The following SCN9A variants were observed in gnomAD, a reference collection of about 807,000 sequenced individuals.
SCN9A encodes the protein sodium channel protein type 9 subunit alpha.
In SCN9A, 131 loss-of-function variants were observed where a neutral mutation model predicts 187.0. The ratio of observed to expected loss-of-function variants is 0.70; its 90% confidence interval spans 0.61 to 0.81. The LOEUF is 0.81. Among genes scored for constraint, SCN9A ranks in the 30% least tolerant of loss-of-function variants. SCN9A has a pLI of 0.00. For missense variants in SCN9A, 2,252 were observed against 2,396.6 expected, an observed-to-expected ratio of 0.94 and a Z score of 1.26; for synonymous variants, 809 against 808.6, an observed-to-expected ratio of 1.00 and a Z score of -0.01.
intron 18 of SCN9A, among the ~76,000 whole-genome samples, chr2:166,243,070 C>T (rs781526135): frequency 1.3e-5 from 2 of 151,992 alleles, no homozygotes; most frequent in Non-Finnish European, 2.9e-5. Context: ...ATGGTAAAAA[C>T]CCTCTGAAAT....
At position 166,197,212 on chromosome 2, in the gene SCN9A, T is replaced by A. The variant is rs1693270872; in HGVS notation, c.*1460A>T. ...CATGAATAACTTTATAGAAGAAAGA[T>A]CTCATATTCCTGAAATAAACTCACG... On this transcript the variant is annotated 3_prime_UTR_variant, in exon 27 of 27. Transcript: ENST00000642356. The A allele has an allele frequency of 6.6e-6, 1 of 152,050 alleles. No individual in the cohort carries two copies. The highest frequency in any genetic ancestry group is 1.5e-5 in the Non-Finnish European group (1 of 67,972). The allele number at this position is 152,050 out of a possible 1,614,324, so 9.4% of individuals were successfully genotyped here. A position where few individuals can be genotyped will look rare whatever the true frequency, so the allele number is the denominator to read the frequency against.
chr2:166,347,268 T>G (rs1699922568), intron 1 of SCN9A, among the ~76,000 whole-genome samples: 1 of 152,216 alleles, frequency 6.6e-6, no homozygotes, highest in South Asian at 2.1e-4. Flanking sequence ...AGTATTCTGT[T>G]GTTTCCAATT....
At chr2:166,205,286 A>G (rs1471310594) in intron 24 of SCN9A, 1 of 152,282 alleles carries the variant, frequency 6.6e-6, no homozygotes, top group Non-Finnish European at 1.5e-5. Flanking sequence ...AGTAACCAAA[A>G]CAGCATGGTA....
Position 166,199,156 on chromosome 2 carries a change from A to T in SCN9A, c.5483T>A (p.Leu1828Gln), listed in dbSNP as rs1295750762. ...GATCCGGTCACCACTAACCATGGGC[A>T]GATCCATGGCAATGAGCTGGACTTT... The part of the protein sequence containing the change: ...PNKVQLIAMD[L>Q]PMVSGDRIHC... Residue 1828 changes from leucine to glutamine, a missense_variant, in exon 27 of 27, where the codon CTG (leucine) becomes CAG (glutamine). Transcript: ENST00000642356. 1 of 1,614,104 alleles carries T rather than the reference A, an allele frequency of 6.2e-7. No individual in the cohort carries two copies. The highest frequency in any genetic ancestry group is 8.5e-7 in the Non-Finnish European group (1 of 1,180,056).
chr2:166,280,564 A>T lies in SCN9A; in HGVS notation c.2136T>A (p.Pro712=). Residue 712 remains proline (P), a synonymous_variant, in exon 14 of 27, where the codon CCT becomes CCA. Transcript: ENST00000642356. The stretch of plus-strand genomic sequence containing the variant: ...ATTTGTGTGCAAATCTGTACCACCA[A>T]GGTGGACATTTTTGTCTGGACTCTT... ...ELEESRQKCP[P]WWYRFAHKFL... The T allele has an allele frequency of 6.3e-7, 1 of 1,586,748 alleles. No individual in the cohort carries two copies. The highest frequency in any genetic ancestry group is 8.6e-7 in the Non-Finnish European group (1 of 1,164,404).
chr2:166,258,660 T>C (rs981765146), intron 17 of SCN9A, among the ~76,000 whole-genome samples: 1 of 151,674 alleles, frequency 6.6e-6, no homozygotes, highest in Non-Finnish European at 1.5e-5. Flanking sequence ...AGATGTGTAC[T>C]AAGAAAGCAT....
At chr2:166,353,998 T>C (rs190597640) in intron 1 of SCN9A, among the ~76,000 whole-genome samples, 3 of 152,338 alleles carry the variant, frequency 2.0e-5, no homozygotes, top group East Asian at 3.9e-4. Context: ...TATCTAATTA[T>C]ATTGCCTTTA....
At chr2:166,373,661 C>G (rs187145433) in intron 1 of SCN9A, among the ~76,000 whole-genome samples, 1 of 151,872 alleles carries the variant, frequency 6.6e-6, no homozygotes, top group Admixed American at 6.6e-5. Flanking sequence ...ATGGTGAAGG[C>G]ATTTATTCAG....
At chr2:166,308,925 C>CAAA (rs397986566) in intron 2 of SCN9A, among the ~76,000 whole-genome samples, 22,646 of 77,620 alleles carry the variant, frequency 0.29, 3,858 homozygotes, top group Non-Finnish European at 0.39. Flanking sequence ...GACTCTGTCT[C>CAAA]AAAAAAAAAA....
chr2:166,265,681 A>G (rs981717207), intron 17 of SCN9A, among the ~76,000 whole-genome samples: 6 of 151,952 alleles, frequency 3.9e-5, no homozygotes, highest in African/African-American at 1.4e-4. Flanking sequence ...CATTCTCACA[A>G]TCAGTGTGTA....
intron 18 of SCN9A, among the ~76,000 whole-genome samples, chr2:166,244,155 C>A (rs966881651): frequency 6.6e-6 from 1 of 151,914 alleles, no homozygotes; most frequent in African/African-American, 2.4e-5. Context: ...TACAGATATC[C>A]TATAGATTTT....
At chr2:166,230,271 G>A (rs1695026181) in intron 21 of SCN9A, among the ~76,000 whole-genome samples, 1 of 152,038 alleles carries the variant, frequency 6.6e-6, no homozygotes, top group Admixed American at 6.6e-5. Flanking sequence ...AGGTTTCCTG[G>A]GGGCATGAAA....
At position 166,198,497 on chromosome 2, in the gene SCN9A, A is replaced by G. The variant is rs200129175; in HGVS notation, c.*175T>C. 1 of 579,286 alleles carries G rather than the reference A, an allele frequency of 1.7e-6. No homozygotes were observed. Among genetic ancestry groups the G allele is most frequent in the Non-Finnish European group, 3.0e-6 (1 of 329,336 alleles). The allele number at this position is 579,286 out of a possible 1,614,324, so 35.9% of individuals were successfully genotyped here. Reference sequence around the variant, plus strand: ...CGATTCTTAAAGAATCATCAGTGCAAAAATAACCATCTGCTAATGCTGCCC... The same window carrying G: ...CGATTCTTAAAGAATCATCAGTGCAGAAATAACCATCTGCTAATGCTGCCC... On this transcript the variant is annotated 3_prime_UTR_variant, in exon 27 of 27. Transcript: ENST00000642356.
In SCN9A at chr2:166,199,427, A is replaced by G; in HGVS notation, c.5212T>C (p.Phe1738Leu). The G allele has an allele frequency of 6.2e-7, 1 of 1,614,204 alleles. No homozygotes were observed. The change falls in exon 27 of 27, where the codon TTC becomes CTC. Residue 1738 changes from phenylalanine to leucine, a missense_variant. Transcript: ENST00000642356. ...GDCGNPSVGI[F>L]YFVSYIIISF... is the part of the protein sequence containing the mutation. The stretch of plus-strand genomic sequence containing the variant: ...ATGATGATATAACTAACAAAGTAGA[A>G]TATTCCAACAGATGGGTTACCACAG...
At chr2:166,215,165 C>T (rs2212662) in intron 24 of SCN9A, among the ~76,000 whole-genome samples, 135,695 of 152,222 alleles carry the variant, frequency 0.89, 60,601 homozygotes, top group East Asian at 0.95. Flanking sequence ...CTCATAATTA[C>T]GTGGAAATTA....
At chr2:166,350,167 T>C (rs1445228401) in intron 1 of SCN9A, among the ~76,000 whole-genome samples, 2 of 152,130 alleles carry the variant, frequency 1.3e-5, no homozygotes, top group Non-Finnish European at 2.9e-5. Flanking sequence ...TCAATAAAAT[T>C]CCTTATACTA....
intron 1 of SCN9A, among the ~76,000 whole-genome samples, chr2:166,329,482 T>C (rs1406155032): frequency 1.3e-5 from 2 of 151,662 alleles, no homozygotes; most frequent in African/African-American, 4.8e-5. Flanking sequence ...TACATGTAGA[T>C]AGTAAAAAAA....
intron 24 of SCN9A, among the ~76,000 whole-genome samples, chr2:166,205,916 CTCA>C (rs1558947026): frequency 6.6e-6 from 1 of 152,166 alleles, no homozygotes; most frequent in Non-Finnish European, 1.5e-5. Flanking sequence ...TGAAAAAATG[CTCA>C]TCATCACTGG....
intron 1 of SCN9A, among the ~76,000 whole-genome samples, chr2:166,318,282 A>G (rs10193767): frequency 0.63 from 96,076 of 151,852 alleles, 30,965 homozygotes; most frequent in African/African-American, 0.73. Context: ...ATACATGTAT[A>G]TACACAGACC....
Sources: gnomAD v4.1 joint callset for allele counts (sites outside exome capture counted in the v4.1 genomes callset) on GRCh38, gnomAD v4.1.1 for gene constraint, MANE v1.5 for transcripts, NCBI Gene and HGNC (gene_info 2026-07-23, HGNC 2026-07-21) for gene names.